Variants in SORCS3 observed in about 807,000 individuals in gnomAD.
SORCS3 encodes sortilin related VPS10 domain containing receptor 3.
SORCS3 carries 57 observed loss-of-function variants against 146.3 expected under a neutral mutation model. That is an observed-to-expected ratio of 0.39 (90% CI 0.31 to 0.49). SORCS3 has a LOEUF of 0.49. Ranked by LOEUF, SORCS3 falls within the 20% of genes least tolerant of loss-of-function variation. The pLI is 0.92. For synonymous variants in SORCS3, 653 were observed against 618.5 expected, an observed-to-expected ratio of 1.06 and a Z score of -0.83; for missense variants, 1,341 against 1,575.5, an observed-to-expected ratio of 0.85 and a Z score of 2.52.
At chr10:105,097,511 T>A (rs562514116) in intron 6 of SORCS3, among the ~76,000 whole-genome samples, 1 of 152,300 alleles carries the variant, frequency 6.6e-6, no homozygotes, top group South Asian at 2.1e-4. Context: ...TAAGTGTCAA[T>A]AGAGAGAGTA....
At chr10:104,786,372 C>A (rs1764663522) in intron 1 of SORCS3, among the ~76,000 whole-genome samples, 1 of 151,200 alleles carries the variant, frequency 6.6e-6, no homozygotes. Context: ...GCTGACAAAA[C>A]CCTGTTTCTA....
intron 1 of SORCS3, among the ~76,000 whole-genome samples, chr10:104,823,757 C>T (rs2017902683): frequency 1.3e-5 from 2 of 152,302 alleles, no homozygotes; most frequent in South Asian, 4.1e-4. Flanking sequence ...ATCTCTAGAA[C>T]CTGTGGATGT....
In SORCS3 at chr10:104,801,442, C is replaced by T. The variant is rs74408030; in HGVS notation, c.628-41350C>T. Reference sequence around the variant, plus strand: ...AATGGGAGTAAGAATGTCTACTTATCAGTGTAATTTTGAGGAATGTAAAAA... The same window carrying T: ...AATGGGAGTAAGAATGTCTACTTATTAGTGTAATTTTGAGGAATGTAAAAA... On this transcript the variant is annotated intron_variant, in intron 1 of 26. Coordinates refer to ENST00000369701, the MANE Select transcript of SORCS3 (RefSeq NM_014978.3). Among the ~76,000 whole-genome samples, 670 of 152,270 alleles carry T rather than the reference C, an allele frequency of 4.4e-3. 3 individuals are homozygous for T. Among genetic ancestry groups the T allele is most frequent in the African/African-American group, 0.015 (626 of 41,548 alleles).
chr10:104,684,817 T>G (rs1808756014), intron 1 of SORCS3, among the ~76,000 whole-genome samples: 5 of 54,940 alleles, frequency 9.1e-5, no homozygotes, highest in Admixed American at 4.8e-4. Context: ...TTTTTTTTTT[T>G]TTTTTTTTTT....
intron 20 of SORCS3, among the ~76,000 whole-genome samples, chr10:105,232,976 T>C (rs2056773481): frequency 6.6e-6 from 1 of 152,146 alleles, no homozygotes. Flanking sequence ...TATTTGGGCT[T>C]TAGAAGAATG....
chr10:104,988,157 G>A (rs2054973071), intron 4 of SORCS3, among the ~76,000 whole-genome samples: 1 of 152,186 alleles, frequency 6.6e-6, no homozygotes, highest in African/African-American at 2.4e-5. Context: ...CACAGCCAGT[G>A]AGGGGACTGC....
chr10:105,214,855 G>A (rs1383263114), intron 18 of SORCS3, among the ~76,000 whole-genome samples: 1 of 152,208 alleles, frequency 6.6e-6, no homozygotes, highest in African/African-American at 2.4e-5. Flanking sequence ...GGAGCATGCA[G>A]ATCTGGATAT....
intron 1 of SORCS3, among the ~76,000 whole-genome samples, chr10:104,692,327 C>T (rs2016123211): frequency 6.6e-6 from 1 of 152,076 alleles, no homozygotes; most frequent in Admixed American, 6.5e-5. Flanking sequence ...GTGTCTGTGC[C>T]ACAGTGCCTC....
intron 14 of SORCS3, 149 bp downstream of exon 14, chr10:105,178,322 T>A (rs558714707): frequency 3.4e-6 from 2 of 580,370 alleles, no homozygotes; most frequent in African/African-American, 3.8e-5. Flanking sequence ...GAAATACTTA[T>A]TTTTATACCT....
At chr10:104,982,309 T>G (rs1279413621) in intron 4 of SORCS3, among the ~76,000 whole-genome samples, 2 of 152,218 alleles carry the variant, frequency 1.3e-5, no homozygotes, top group African/African-American at 4.8e-5. Context: ...ACTTGACTTC[T>G]GGAATGCTGG....
At chr10:104,853,833 T>C (rs888317568) in intron 2 of SORCS3, among the ~76,000 whole-genome samples, 2 of 152,134 alleles carry the variant, frequency 1.3e-5, no homozygotes, top group Non-Finnish European at 2.9e-5. Context: ...TTAAAGAACA[T>C]CCCTCCAATT....
chr10:104,959,570 G>A (rs150574996), intron 3 of SORCS3, among the ~76,000 whole-genome samples: 1 of 152,106 alleles, frequency 6.6e-6, no homozygotes, highest in Non-Finnish European at 1.5e-5. Context: ...GCCACCCAGG[G>A]TATGATATTC....
chr10:104,718,067 A>G (rs1238867744), intron 1 of SORCS3, among the ~76,000 whole-genome samples: 2 of 152,030 alleles, frequency 1.3e-5, no homozygotes, highest in Non-Finnish European at 2.9e-5. Context: ...AATCGCTTGA[A>G]CCTGGGAGGC....
rs2016186730 is a variant in SORCS3 at position 104,696,255 on chromosome 10, G to GATATATATCATATACACATATATA, written c.627+54322_627+54323insATAATATATATCATATACACATAT. 3.3e-4 allele frequency among the ~76,000 whole-genome samples: 24 copies of GATATATATCATATACACATATATA among 72,218 alleles called. 5 individuals are homozygous for GATATATATCATATACACATATATA. The highest frequency in any genetic ancestry group is 1.0e-3 in the African/African-American group (21 of 20,284). 47.4% of individuals were successfully genotyped at this position (72,218 alleles called of 152,430 possible). On this transcript the variant is annotated intron_variant, in intron 1 of 26. Coordinates refer to ENST00000369701, the MANE Select transcript of SORCS3 (RefSeq NM_014978.3). ...TATATCATATACACATATGATATAT[G>GATATATATCATATACACATATATA]ATATATATCATATACACATATGATA...
chr10:105,057,117 A>G (rs1381713543), intron 5 of SORCS3, among the ~76,000 whole-genome samples: 2 of 152,166 alleles, frequency 1.3e-5, no homozygotes, highest in East Asian at 1.9e-4. Flanking sequence ...GATTTCTCCA[A>G]CAGTGCTCTT....
At chr10:105,245,010 A>G (rs1237601764) in intron 20 of SORCS3, among the ~76,000 whole-genome samples, 2 of 148,274 alleles carry the variant, frequency 1.3e-5, no homozygotes, top group African/African-American at 4.9e-5. Flanking sequence ...CGGAGGTTGC[A>G]GTGAGCCGAG....
At chr10:105,153,135 T>C (rs1408642479) in intron 9 of SORCS3, among the ~76,000 whole-genome samples, 4 of 152,160 alleles carry the variant, frequency 2.6e-5, no homozygotes, top group African/African-American at 9.7e-5. Flanking sequence ...TACCCCAAAG[T>C]CACCGACAAA....
chr10:105,262,960 A>G (rs1564798965), intron 26 of SORCS3, among the ~76,000 whole-genome samples: 1 of 152,184 alleles, frequency 6.6e-6, no homozygotes, highest in Non-Finnish European at 1.5e-5. Context: ...TAGTACCTAA[A>G]AAAAACAATT....
At chr10:104,990,832 G>A (rs983581263) in intron 4 of SORCS3, among the ~76,000 whole-genome samples, 5 of 152,116 alleles carry the variant, frequency 3.3e-5, no homozygotes, top group African/African-American at 7.2e-5. Flanking sequence ...TTCCCCTGGA[G>A]CCTCCAGAAG....
Sources: allele counts gnomAD v4.1 joint callset (sites outside exome capture counted in the v4.1 genomes callset), GRCh38; gene constraint gnomAD v4.1.1; transcripts MANE v1.5; gene names NCBI Gene and HGNC (gene_info 2026-07-23, HGNC 2026-07-21).